The following NLGN4X variants were observed in gnomAD, a reference collection of about 807,000 sequenced individuals.
NLGN4X encodes the protein neuroligin 4 X-linked, also known as neuroligin-4, X-linked.
A neutral mutation model predicts 40.3 loss-of-function variants in NLGN4X; 3 were observed. That is an observed-to-expected ratio of 0.07 (90% confidence interval 0.03 to 0.19). NLGN4X has a LOEUF of 0.19. Among genes scored for constraint, NLGN4X ranks in the 10% least tolerant of loss-of-function variants. The probability of loss-of-function intolerance (pLI) is 1.00; values close to 1 mark genes in which losing one functional copy is unlikely to be tolerated. For missense variants in NLGN4X, 382 were observed against 708.3 expected (o/e 0.54, Z 5.23); for synonymous variants, 270 against 306.8 (o/e 0.88, Z 1.25).
chrX:6,072,506 A>C (rs1419053139), intron 2 of NLGN4X, among the ~76,000 whole-genome samples: 1 of 111,966 alleles, frequency 8.9e-6, no homozygotes, highest in East Asian at 2.8e-4. Flanking sequence ...ACAGAGTGAA[A>C]AAAGCATGTT....
intron 2 of NLGN4X, among the ~76,000 whole-genome samples, chrX:6,111,612 G>A (rs2039150778): frequency 9.0e-6 from 1 of 111,166 alleles, no homozygotes; most frequent in Admixed American, 9.6e-5. Context: ...CAGGGATGGT[G>A]GCACACACGT....
chrX:5,930,932 A>G (rs1264812854), intron 3 of NLGN4X, among the ~76,000 whole-genome samples: 1 of 111,971 alleles, frequency 8.9e-6, no homozygotes, highest in Non-Finnish European at 1.9e-5. Context: ...GATCCTATTG[A>G]TTTACCCCAT....
intron 1 of NLGN4X, among the ~76,000 whole-genome samples, chrX:6,182,947 T>C (rs1409609643): frequency 8.9e-6 from 1 of 112,054 alleles, no homozygotes; most frequent in Non-Finnish European, 1.9e-5. Flanking sequence ...ATGAACATGC[T>C]GAAGAAGGAG....
At chrX:6,045,609 G>C (rs1027300298) in intron 2 of NLGN4X, among the ~76,000 whole-genome samples, 1 of 111,646 alleles carries the variant, frequency 9.0e-6, no homozygotes, top group African/African-American at 3.3e-5. Flanking sequence ...TGATAGCTGA[G>C]GGAAAGATCA....
intron 2 of NLGN4X, among the ~76,000 whole-genome samples, chrX:6,118,420 G>A (rs72609512): frequency 2.7e-5 from 3 of 111,279 alleles, no homozygotes; most frequent in African/African-American, 9.8e-5. Flanking sequence ...CAATCTCCCT[G>A]TTGTCAGCAC....
chrX:5,997,638 G>GTATA (rs35364673), intron 3 of NLGN4X, among the ~76,000 whole-genome samples: 34 of 11,816 alleles, frequency 2.9e-3, no homozygotes, highest in African/African-American at 5.2e-3. Flanking sequence ...ATATACACAC[G>GTATA]TATATATATA....
At chrX:6,219,769 A>C in intron 1 of NLGN4X, among the ~76,000 whole-genome samples, 1 of 111,354 alleles carries the variant, frequency 9.0e-6, no homozygotes, top group Non-Finnish European at 1.9e-5. Context: ...ATTCTATAGA[A>C]TAACAGATCA....
intron 3 of NLGN4X, among the ~76,000 whole-genome samples, chrX:6,003,105 T>C (rs2036012395): frequency 9.0e-6 from 1 of 111,554 alleles, no homozygotes; most frequent in Non-Finnish European, 1.9e-5. Flanking sequence ...GAGAGAGACC[T>C]CGGGGTGTAT....
At chrX:6,214,194 G>A (rs1400421233) in intron 1 of NLGN4X, among the ~76,000 whole-genome samples, 2 of 111,629 alleles carry the variant, frequency 1.8e-5, no homozygotes, top group East Asian at 2.8e-4. Flanking sequence ...TGTCGTTGAC[G>A]CACAACACAG....
chrX:6,215,419 T>C (rs2001290), intron 1 of NLGN4X, among the ~76,000 whole-genome samples: 38,083 of 109,089 alleles, frequency 0.35, 6,951 homozygotes, highest in African/African-American at 0.7. Context: ...AGTGGTGGTG[T>C]GTGCCTGTAA....
chrX:6,003,299 G>A (rs113440721), intron 3 of NLGN4X, among the ~76,000 whole-genome samples: 1 of 112,050 alleles, frequency 8.9e-6, no homozygotes, highest in African/African-American at 3.3e-5. Context: ...ACTCAGGACC[G>A]CATATGACCA....
intron 3 of NLGN4X, among the ~76,000 whole-genome samples, chrX:5,968,461 G>C (rs200658422): frequency 0.13 from 896 of 7,125 alleles, 26 homozygotes; most frequent in East Asian, 0.35. Context: ...CTCTCTCTGT[G>C]TGTGTGTGTG....
intron 1 of NLGN4X, among the ~76,000 whole-genome samples, chrX:6,206,758 G>C (rs1924070951): frequency 9.0e-6 from 1 of 111,709 alleles, no homozygotes; most frequent in African/African-American, 3.3e-5. Flanking sequence ...TACGACACCA[G>C]TTGTACGGAA....
intron 2 of NLGN4X, among the ~76,000 whole-genome samples, chrX:6,049,145 G>A (rs994392686): frequency 2.1e-5 from 2 of 93,641 alleles, no homozygotes; most frequent in African/African-American, 7.8e-5. Context: ...GATAACAGGA[G>A]GATGTAAAGT....
At chrX:6,156,819 A>G (rs905081655) in intron 1 of NLGN4X, among the ~76,000 whole-genome samples, 2 of 110,331 alleles carry the variant, frequency 1.8e-5, no homozygotes, top group Non-Finnish European at 3.8e-5. Flanking sequence ...CAATACACCC[A>G]GGTAAAAAAT....
intron 3 of NLGN4X, among the ~76,000 whole-genome samples, chrX:5,992,240 A>T (rs2035703266): frequency 8.9e-6 from 1 of 112,391 alleles, no homozygotes; most frequent in African/African-American, 3.2e-5. Flanking sequence ...AGACGTGCCC[A>T]AAGTGGGACT....
At chrX:5,918,437 T>C (rs1024103950) in intron 3 of NLGN4X, among the ~76,000 whole-genome samples, 2 of 112,013 alleles carry the variant, frequency 1.8e-5, no homozygotes, top group African/African-American at 3.2e-5. Context: ...ACATGCACGC[T>C]AGCAAAGTAA....
chrX:6,016,609 G>A (rs57849638), intron 3 of NLGN4X, among the ~76,000 whole-genome samples: 7 of 110,987 alleles, frequency 6.3e-5, no homozygotes, highest in Non-Finnish European at 1.1e-4. Context: ...CTATCGATTC[G>A]GCTCCTATAT....
intron 3 of NLGN4X, among the ~76,000 whole-genome samples, chrX:6,023,641 A>T (rs1428318742): frequency 8.9e-6 from 1 of 111,960 alleles, no homozygotes; most frequent in African/African-American, 3.2e-5. Context: ...ACATAAGGTT[A>T]ACTCTTCCAA....
Sources: gnomAD v4.1 joint callset for allele counts (sites outside exome capture counted in the v4.1 genomes callset) on GRCh38, gnomAD v4.1.1 for gene constraint, MANE v1.5 for transcripts, NCBI Gene and HGNC (gene_info 2026-07-23, HGNC 2026-07-21) for gene names.